SLC22A25: variants seen among roughly 807,000 people sequenced by gnomAD.
SLC22A25 encodes the protein solute carrier family 22 member 25.
SLC22A25 carries 44 observed loss-of-function variants against 45.9 expected under a neutral mutation model. The observed-to-expected ratio is 0.96, with a 90% CI of 0.75 to 1.23. The LOEUF (loss-of-function observed/expected upper bound fraction) is 1.23, where lower values mean the gene tolerates loss of function less well. Among genes scored for constraint, SLC22A25 ranks in the 50% most tolerant of loss-of-function variants. The pLI is 0.00. For synonymous variants in SLC22A25, 283 were observed against 238.6 expected (o/e 1.19, Z -1.72); for missense variants, 800 against 666.4 (o/e 1.20, Z -2.21).
intron 9 of SLC22A25, among the ~76,000 whole-genome samples, chr11:63,179,619 C>T (rs2088246046): frequency 6.6e-6 from 1 of 152,130 alleles, no homozygotes; most frequent in Admixed American, 6.6e-5. Flanking sequence ...TGTCTTTGTT[C>T]TCAGTAGTTC....
At chr11:63,219,915 G>A (rs2134821647) in intron 5 of SLC22A25, 2 of 1,288,822 alleles carry the variant, frequency 1.6e-6, no homozygotes, top group East Asian at 5.6e-5. Flanking sequence ...ATACATTCAG[G>A]GTTTCAGGAG....
chr11:63,164,447 AT>A (rs1565056827), intron 11 of SLC22A25, 78 bp downstream of exon 11: 10 of 1,249,138 alleles, frequency 8.0e-6, no homozygotes, highest in South Asian at 2.5e-5. Context: ...CTTGTCTTGG[AT>A]TTTTTTCCCT....
At chr11:63,194,890 C>CAAAAAAAAAAAAAAAAAAAAA (rs796301840) in intron 7 of SLC22A25, among the ~76,000 whole-genome samples, 2 of 34,656 alleles carry the variant, frequency 5.8e-5, no homozygotes, top group Non-Finnish European at 1.2e-4. Context: ...AAATGGAAAG[C>CAAAAAAAAAAAAAAAAAAAAA]AAAAAAAAAA....
At chr11:63,215,945 C>G (rs2089698406) in intron 7 of SLC22A25, among the ~76,000 whole-genome samples, 1 of 152,262 alleles carries the variant, frequency 6.6e-6, no homozygotes, top group Admixed American at 6.5e-5. Context: ...AAAAGACATA[C>G]TCTCATTCTT....
intron 7 of SLC22A25, among the ~76,000 whole-genome samples, chr11:63,196,234 T>C (rs887526719): frequency 3.9e-5 from 6 of 152,094 alleles, no homozygotes; most frequent in Non-Finnish European, 8.8e-5. Context: ...AAAGAGGGAG[T>C]CCTCCATAAC....
Position 63,166,172 on chromosome 11 carries a change from C to A in SLC22A25, c.1157G>T (p.Gly386Val). The A allele has an allele frequency of 6.2e-7, 1 of 1,613,990 alleles. No individual in the cohort carries two copies. The highest frequency in any genetic ancestry group is 8.5e-7 in the Non-Finnish European group (1 of 1,179,960). Residue 386 changes from glycine to valine, a missense_variant, in exon 10 of 12, where the codon GGT becomes GTT. By Grantham distance (109) the Gly-to-Val change is moderately radical. Transcript: ENST00000306494. ...ACAATTGGCCAGGAGGGTGACTGCA[C>A]CAAAGAGAGTCTGCAACAGGAAAAC... is the stretch of plus-strand genomic sequence containing the variant. The part of the protein sequence containing the change: ...NNVFLLQTLF[G>V]AVTLLANCVA...
chr11:63,189,522 T>C (rs1213016164), intron 7 of SLC22A25, among the ~76,000 whole-genome samples: 1 of 152,348 alleles, frequency 6.6e-6, no homozygotes, highest in East Asian at 1.9e-4. Context: ...TGTCTTTTAA[T>C]TGGAGCATTT....
intron 7 of SLC22A25, among the ~76,000 whole-genome samples, chr11:63,214,974 A>G (rs1404840489): frequency 2.0e-5 from 3 of 152,310 alleles, no homozygotes; most frequent in East Asian, 1.9e-4. Flanking sequence ...ACACTTTTAC[A>G]CTGTTGGTAA....
Position 63,228,528 on chromosome 11 carries a change from C to G in SLC22A25, c.439G>C (p.Val147Leu). Residue 147 changes from valine to leucine, a missense_variant, in exon 5 of 12, where the codon GTA becomes CTA. Transcript: ENST00000306494. ...LVCESQPLNS[V>L]AKFLFMAGMM... ...CCAGCCATGAATAGAAATTTAGCTA[C>G]TGAATTCAGTGGTTGAGATTCGCAT... is the stretch of plus-strand genomic sequence containing the variant. 6.2e-7 allele frequency: 1 copy of G among 1,613,840 alleles called. No individual in the cohort carries two copies. Among genetic ancestry groups the G allele is most frequent in the Non-Finnish European group, 8.5e-7 (1 of 1,179,882 alleles).
Position 63,243,586 on chromosome 11 carries a change from G to A in SLC22A25, c.-1148C>T. ...ATACCGACAACTCCATCAAGCCTCA[G>A]GAGCTGCTGGAGTGGGAACTGGTGG... On this transcript the variant is annotated 5_prime_UTR_variant, in exon 1 of 12. Coordinates refer to ENST00000306494, the MANE Select transcript of SLC22A25 (RefSeq NM_199352.6). 1.3e-6 allele frequency: 1 copy of A among 767,044 alleles called. No individual in the cohort carries two copies. Among genetic ancestry groups the A allele is most frequent in the South Asian group, 1.4e-5 (1 of 73,248 alleles). 47.5% of individuals were successfully genotyped at this position (767,044 alleles called of 1,614,324 possible).
chr11:63,187,059 T>A (rs1388829570), intron 7 of SLC22A25, among the ~76,000 whole-genome samples: 2 of 152,208 alleles, frequency 1.3e-5, no homozygotes, highest in African/African-American at 4.8e-5. Flanking sequence ...AACTTTAAAG[T>A]AGTTTTTTCC....
rs536907598 is a variant in SLC22A25, at chr11:63,177,178, A to G, written c.1070+3482T>C. Among the ~76,000 whole-genome samples the G allele has an allele frequency of 8.5e-5, 13 of 152,124 alleles. No individual in the cohort carries two copies. The South Asian group carries it at 2.7e-3, about 32-fold the overall frequency. On this transcript the variant is annotated intron_variant, in intron 9 of 11. Transcript: ENST00000306494. ...CTGCTTTCAAAATTCTTTTCTTTTGATAATTTTATTATAAAATGTCTAGAT... is the reference window on the plus strand; with the variant it reads ...CTGCTTTCAAAATTCTTTTCTTTTGGTAATTTTATTATAAAATGTCTAGAT...
chr11:63,224,042 T>C (rs1440343725), intron 5 of SLC22A25, among the ~76,000 whole-genome samples: 1 of 152,114 alleles, frequency 6.6e-6, no homozygotes, highest in Non-Finnish European at 1.5e-5. Flanking sequence ...CTGTTCAATA[T>C]TGAAAGTGGG....
At chr11:63,164,427 T>C (rs2087608616) in intron 11 of SLC22A25, 99 bp downstream of exon 11, 1 of 1,061,302 alleles carries the variant, frequency 9.4e-7, no homozygotes, top group Admixed American at 2.2e-5. Flanking sequence ...TTTGATTGTT[T>C]TTTAACTAAC....
chr11:63,191,154 A>T (rs918046496), intron 7 of SLC22A25, among the ~76,000 whole-genome samples: 20 of 152,222 alleles, frequency 1.3e-4, no homozygotes, highest in African/African-American at 4.3e-4. Context: ...TGTGGAGTCT[A>T]CAAAGGCAGG....
At chr11:63,191,173 C>T (rs1260563662) in intron 7 of SLC22A25, among the ~76,000 whole-genome samples, 2 of 152,236 alleles carry the variant, frequency 1.3e-5, no homozygotes, top group Non-Finnish European at 2.9e-5. Flanking sequence ...GGCAGGCCTC[C>T]TCAAGCTGCG....
chr11:63,235,110 T>C (rs1003293976), intron 3 of SLC22A25, among the ~76,000 whole-genome samples: 25 of 152,168 alleles, frequency 1.6e-4, no homozygotes, highest in African/African-American at 5.1e-4. Context: ...GTGAATCTGA[T>C]AATTATGTGT....
intron 9 of SLC22A25, among the ~76,000 whole-genome samples, chr11:63,174,059 A>C (rs2087994781): frequency 6.7e-6 from 1 of 150,106 alleles, no homozygotes; most frequent in African/African-American, 2.5e-5. Flanking sequence ...CTAACCCACC[A>C]CCCCCTGACA....
rs1475361927 is a variant in SLC22A25 at position 63,160,207 on chromosome 11, G to C, written c.*3617C>G. ...AGACAATGGGGAAAATGTCTCCAGGGCATGTCAGAGACCTTTGTGACAGCC... is the reference window on the plus strand; with the variant it reads ...AGACAATGGGGAAAATGTCTCCAGGCCATGTCAGAGACCTTTGTGACAGCC... On this transcript the variant is annotated 3_prime_UTR_variant, in exon 12 of 12. Coordinates refer to ENST00000306494, the MANE Select transcript of SLC22A25 (RefSeq NM_199352.6). Among the ~76,000 whole-genome samples the C allele has an allele frequency of 6.6e-6, 1 of 152,204 alleles. No individual in the cohort carries two copies. The highest frequency in any genetic ancestry group is 1.5e-5 in the Non-Finnish European group (1 of 68,044).
Sources: allele counts gnomAD v4.1 joint callset (sites outside exome capture counted in the v4.1 genomes callset), GRCh38; gene constraint gnomAD v4.1.1; transcripts MANE v1.5; gene names NCBI Gene and HGNC (gene_info 2026-07-23, HGNC 2026-07-21).